Variants in MYO18A observed in about 807,000 individuals in gnomAD.
MYO18A encodes unconventional myosin-XVIIIa.
In MYO18A, 78 loss-of-function variants were observed where a neutral mutation model predicts 235.8. The ratio of observed to expected loss-of-function variants is 0.33; its 90% CI spans 0.28 to 0.40. The LOEUF (loss-of-function observed/expected upper bound fraction) is 0.40, where lower values mean the gene tolerates loss of function less well. Among genes scored for constraint, MYO18A ranks in the 10% least tolerant of loss-of-function variants. The pLI is 1.00. For missense variants in MYO18A, 2,215 were observed against 2,699.3 expected (o/e 0.82, Z 3.98); for synonymous variants, 977 against 1,077.8 (o/e 0.91, Z 1.83).
In MYO18A at chr17:29,106,973, A is replaced by G; in HGVS notation, c.3441+107T>C. 9.1e-7 allele frequency: 1 copy of G among 1,093,564 alleles called. No homozygotes were observed. The highest frequency in any genetic ancestry group is 1.4e-6 in the Non-Finnish European group (1 of 727,310). 67.7% of individuals were successfully genotyped at this position (1,093,564 alleles called of 1,614,324 possible). On this transcript the variant is annotated intron_variant, in intron 20 of 41. Transcript: ENST00000527372. This position sits in a 1 kb window ranked among gnomAD's most constrained non-coding sequence, Gnocchi z 4.6. ...TGCTTCCAAAACTGGGAGCCTGAGC[A>G]GGGCCAGATGAGCTGTCTCCAGGGA... is the stretch of plus-strand genomic sequence containing the variant.
Position 29,117,095 on chromosome 17 carries a change from C to T in MYO18A, c.2039-640G>A, listed in dbSNP as rs1238527031. 3.9e-5 allele frequency among the ~76,000 whole-genome samples: 6 copies of T among 152,114 alleles called. No homozygotes were observed. Among genetic ancestry groups the T allele is most frequent in the Admixed American group, 3.9e-4 (6 of 15,284 alleles). ...TCACTCCAGCTGAGCAGCCTGGGGCCCTTCACATCCCAGAAGGGGCCAAAG... is the reference window on the plus strand; with the variant it reads ...TCACTCCAGCTGAGCAGCCTGGGGCTCTTCACATCCCAGAAGGGGCCAAAG... On this transcript the variant is annotated intron_variant, in intron 10 of 41. Coordinates refer to ENST00000527372, the MANE Select transcript of MYO18A (RefSeq NM_078471.4). This position sits in a 1 kb window ranked among gnomAD's most constrained non-coding sequence, Gnocchi z 4.6.
chr17:29,122,360 G>T, intron 2 of MYO18A, 107 bp from the exon 3 acceptor site: 1 of 951,014 alleles, frequency 1.1e-6, no homozygotes, highest in Non-Finnish European at 1.6e-6. Context: ...CAAGCCACTG[G>T]GCAAGGAATG....
intron 2 of MYO18A, among the ~76,000 whole-genome samples, chr17:29,156,197 G>A (rs185069197): frequency 3.3e-5 from 5 of 152,348 alleles, no homozygotes; most frequent in East Asian, 1.9e-4. Flanking sequence ...GGAGAGCAGC[G>A]GAAGGGAAGA....
intron 2 of MYO18A, among the ~76,000 whole-genome samples, chr17:29,131,167 G>A (rs992351427): frequency 3.9e-5 from 6 of 152,128 alleles, no homozygotes; most frequent in African/African-American, 7.2e-5. Context: ...CACATACACC[G>A]TACTTTCTTC....
At chr17:29,096,325 C>T (rs573858558) in intron 28 of MYO18A, among the ~76,000 whole-genome samples, 1 of 152,346 alleles carries the variant, frequency 6.6e-6, no homozygotes, top group African/African-American at 2.4e-5. Flanking sequence ...GGGCCACCCC[C>T]CTCCTTTGTA....
intron 1 of MYO18A, among the ~76,000 whole-genome samples, chr17:29,171,352 G>A (rs921165364): frequency 8.6e-5 from 13 of 151,988 alleles, no homozygotes; most frequent in Non-Finnish European, 1.2e-4. Context: ...CAGGAGAATC[G>A]CTTGAACCTG....
At chr17:29,137,776 C>A (rs2067639503) in intron 2 of MYO18A, among the ~76,000 whole-genome samples, 2 of 152,008 alleles carry the variant, frequency 1.3e-5, no homozygotes, top group Non-Finnish European at 2.9e-5. Context: ...TGACATCAAT[C>A]AAAAAAACTG....
At chr17:29,144,667 G>A (rs576142198) in intron 2 of MYO18A, among the ~76,000 whole-genome samples, 6 of 152,234 alleles carry the variant, frequency 3.9e-5, no homozygotes, top group South Asian at 2.1e-4. Flanking sequence ...ACTGATGTGC[G>A]GCCTGGCAAA....
At chr17:29,147,963 AT>A (rs1840056474) in intron 2 of MYO18A, among the ~76,000 whole-genome samples, 2 of 151,158 alleles carry the variant, frequency 1.3e-5, no homozygotes, top group Non-Finnish European at 2.9e-5. Context: ...TCTGCCTAGG[AT>A]TCTGGCAGTT....
intron 2 of MYO18A, among the ~76,000 whole-genome samples, chr17:29,152,198 A>C (rs543610203): frequency 6.6e-6 from 1 of 152,326 alleles, no homozygotes; most frequent in Non-Finnish European, 1.5e-5. Context: ...GCAGGTCAGG[A>C]CTGTCTTTCT....
chr17:29,092,451 C>T lies in MYO18A; in HGVS notation c.5079G>A (p.Glu1693=). ...CTGCCGCACAGGTGAACTCTGACTCCTCCAGCTGGACACAGACCACCCCCG... is the reference window on the plus strand; with the variant it reads ...CTGCCGCACAGGTGAACTCTGACTCTTCCAGCTGGACACAGACCACCCCCG... ...REIAQLKNQL[E]ESEFTCAAAV... is the part of the protein sequence containing the mutation. The change falls in exon 34 of 42, where the codon GAG becomes GAA. Residue 1693 remains glutamate, a synonymous_variant. Coordinates refer to ENST00000527372, the MANE Select transcript of MYO18A (RefSeq NM_078471.4). The T allele has an allele frequency of 1.2e-6, 2 of 1,610,994 alleles. No homozygotes were observed. The highest frequency in any genetic ancestry group is 1.7e-6 in the Non-Finnish European group (2 of 1,179,502).
At chr17:29,149,692 C>G (rs2067928180) in intron 2 of MYO18A, among the ~76,000 whole-genome samples, 1 of 152,256 alleles carries the variant, frequency 6.6e-6, no homozygotes, top group African/African-American at 2.4e-5. Context: ...AGGCCTGCTG[C>G]TCTCTGAGGT....
chr17:29,099,640 C>G lies in MYO18A; in HGVS notation c.3630G>C (p.Lys1210Asn). Residue 1210 changes from lysine (K) to asparagine (N), a missense_variant, in exon 22 of 42, where the codon AAG (lysine) becomes AAC (asparagine). By Grantham distance (94) the Lys-to-Asn change is moderately conservative. Coordinates refer to ENST00000527372, the MANE Select transcript of MYO18A (RefSeq NM_078471.4). The stretch of plus-strand genomic sequence containing the variant: ...GATGTCTCTAGAGCAGCACCTTTCT[C>G]TTCTTGAAGTGCTGGCGGGCCAGGT... ...RGYLARQHFK[K>N]RKIQDLAIRC... 1 of 1,613,552 alleles carries G rather than the reference C, an allele frequency of 6.2e-7. No homozygotes were observed. The highest frequency in any genetic ancestry group is 8.5e-7 in the Non-Finnish European group (1 of 1,179,648).
chr17:29,119,515 A>C, intron 7 of MYO18A, 80 bp from the exon 8 acceptor site: 2 of 1,050,444 alleles, frequency 1.9e-6, no homozygotes, highest in Non-Finnish European at 2.8e-6. Context: ...AAGGAATCAA[A>C]CACATGGTCC....
chr17:29,133,882 G>C (rs1184191429), intron 2 of MYO18A: 1 of 1,288,670 alleles, frequency 7.8e-7, no homozygotes, highest in Non-Finnish European at 1.0e-6. Flanking sequence ...GAAATGGGGG[G>C]CAGGGTCTCT....
At chr17:29,093,501 G>A in intron 31 of MYO18A, 74 bp from the exon 32 acceptor site, 5 of 1,160,206 alleles carry the variant, frequency 4.3e-6, no homozygotes, top group African/African-American at 1.5e-5. Context: ...TCCATTCTGG[G>A]TTCCCCACTC....
At chr17:29,101,795 T>C (rs866008909) in intron 21 of MYO18A, among the ~76,000 whole-genome samples, 23 of 152,194 alleles carry the variant, frequency 1.5e-4, no homozygotes, top group African/African-American at 5.5e-4. Context: ...GAAAGAATGG[T>C]CTAGAGGCCA....
At chr17:29,124,511 CAG>C in intron 2 of MYO18A, 1 of 493,694 alleles carries the variant, frequency 2.0e-6, no homozygotes, top group Non-Finnish European at 2.9e-6. Flanking sequence ...CTCCCAGACA[CAG>C]GGTGGGAGCC....
chr17:29,128,358 C>A, intron 2 of MYO18A: 1 of 1,281,854 alleles, frequency 7.8e-7, no homozygotes, highest in South Asian at 1.2e-5. Flanking sequence ...ACTGCATTTG[C>A]CACCCGCTTC....
Sources: allele counts gnomAD v4.1 joint callset (sites outside exome capture counted in the v4.1 genomes callset), GRCh38; gene constraint gnomAD v4.1.1; non-coding constraint Gnocchi (gnomAD v3.1); transcripts MANE v1.5; gene names NCBI Gene and HGNC (gene_info 2026-07-23, HGNC 2026-07-21).